Variants in YWHAG observed in about 807,000 individuals in gnomAD.
YWHAG encodes tyrosine 3-monooxygenase/tryptophan 5-monooxygenase activation protein gamma, also known as 14-3-3 protein gamma.
YWHAG carries 1 observed loss-of-function variant against 23.3 expected under a neutral mutation model. The ratio of observed to expected loss-of-function variants is 0.04; its 90% confidence interval spans 0.02 to 0.20. The LOEUF is 0.20. Ranked by LOEUF, YWHAG falls within the 10% of genes least tolerant of loss-of-function variation. The pLI is 1.00. For missense variants in YWHAG, 151 were observed against 338.6 expected (o/e 0.45, Z 4.35); for synonymous variants, 160 against 144.0 (o/e 1.11, Z -0.80).
intron 1 of YWHAG, among the ~76,000 whole-genome samples, chr7:76,336,668 C>G (rs766462392): frequency 6.6e-6 from 1 of 151,594 alleles, no homozygotes; most frequent in African/African-American, 2.4e-5. Context: ...GTTGGCCAGG[C>G]TGGTCTCGAA....
rs138966677 is a variant in YWHAG, at chr7:76,341,453, G to A, written c.88-11220C>T. Among the ~76,000 whole-genome samples, 8 of 141,102 alleles carry A rather than the reference G, an allele frequency of 5.7e-5. No individual in the cohort carries two copies. In the East Asian group the frequency reaches 1.3e-3, roughly 23 times the overall value. 92.6% of individuals were successfully genotyped at this position (141,102 alleles called of 152,430 possible). A position where few individuals can be genotyped will look rare whatever the true frequency, so the allele number is the denominator to read the frequency against. The stretch of plus-strand genomic sequence containing the variant: ...AAAGAGAAATCTTGTAATGTTCACA[G>A]CAACGTTAGTCCTAAGAGCCAAAAG... On this transcript the variant is annotated intron_variant, in intron 1 of 1. Transcript: ENST00000307630.
intron 1 of YWHAG, among the ~76,000 whole-genome samples, chr7:76,350,309 A>C (rs1042779300): frequency 6.6e-6 from 1 of 152,242 alleles, no homozygotes; most frequent in Non-Finnish European, 1.5e-5. Context: ...ACATGTATAC[A>C]TAATACCTAT....
chr7:76,331,306 A>AGGAGG (rs796983851), intron 1 of YWHAG, among the ~76,000 whole-genome samples: 3 of 151,980 alleles, frequency 2.0e-5, no homozygotes, highest in African/African-American at 7.3e-5. Context: ...AGGAGAGGAG[A>AGGAGG]GAAGAAAAGT....
At chr7:76,351,528 A>C (rs930406255) in intron 1 of YWHAG, among the ~76,000 whole-genome samples, 1 of 152,194 alleles carries the variant, frequency 6.6e-6, no homozygotes, top group African/African-American at 2.4e-5. Context: ...CCTGTCACGA[A>C]CCTGGCTGCA....
At chr7:76,353,054 G>A (rs529512996) in intron 1 of YWHAG, among the ~76,000 whole-genome samples, 1 of 152,224 alleles carries the variant, frequency 6.6e-6, no homozygotes, top group Admixed American at 6.5e-5. Flanking sequence ...GAAATGCTGG[G>A]AGCAATTTAA....
chr7:76,346,944 A>T (rs1451711585), intron 1 of YWHAG, among the ~76,000 whole-genome samples: 1 of 152,110 alleles, frequency 6.6e-6, no homozygotes, highest in African/African-American at 2.4e-5. Context: ...GCCACCAACA[A>T]GGACTAAACA....
In YWHAG at chr7:76,357,644, C is replaced by G. The variant is rs1000534167; in HGVS notation, c.87+1078G>C. Among the ~76,000 whole-genome samples the G allele has an allele frequency of 2.0e-5, 3 of 152,182 alleles. No individual in the cohort carries two copies. In the East Asian group the frequency reaches 5.8e-4, roughly 29 times the overall value. ...CTTTTCATCAGCATGAAGATGTACT[C>G]GCTTAAACAAAAAAAAGCCTCAGAT... On this transcript the variant is annotated intron_variant, in intron 1 of 1. Coordinates refer to ENST00000307630, the MANE Select transcript of YWHAG (RefSeq NM_012479.4).
chr7:76,347,872 A>G (rs139318840), intron 1 of YWHAG, among the ~76,000 whole-genome samples: 4 of 152,216 alleles, frequency 2.6e-5, no homozygotes, highest in Admixed American at 2.6e-4. Flanking sequence ...CTAAGACTCC[A>G]AACAGCAAAA....
chr7:76,331,221 T>C (rs994792046), intron 1 of YWHAG, among the ~76,000 whole-genome samples: 6 of 151,922 alleles, frequency 3.9e-5, no homozygotes, highest in African/African-American at 1.5e-4. Flanking sequence ...CAGGCTCAGA[T>C]GATTCTCCCA....
rs762541714 is a variant in YWHAG at position 76,329,756 on chromosome 7, C to T, written c.565G>A (p.Ala189Thr). ...GCCAAGTGGCACGCTTGCTCTGGGG[C>T]GTTCTGGATCTCATAGTAGAAGACG... ...YSVFYYEIQN[A>T]PEQACHLAKT... The change falls in exon 2 of 2, where the codon GCC (alanine) becomes ACC (threonine). Residue 189 changes from alanine to threonine, a missense_variant. By Grantham distance (58) the Ala-to-Thr change is moderately conservative. Coordinates refer to ENST00000307630, the MANE Select transcript of YWHAG (RefSeq NM_012479.4). The surrounding 1 kb of genome is among the most constrained non-coding windows in gnomAD (Gnocchi z 6.1). 5 of 1,613,944 alleles carry T rather than the reference C, an allele frequency of 3.1e-6. No homozygotes were observed. The highest frequency in any genetic ancestry group is 4.2e-6 in the Non-Finnish European group (5 of 1,180,006).
rs1803467631 is a variant in YWHAG at position 76,327,681 on chromosome 7, T to TAA, written c.*1895_*1896insTT. 38 of 30,802 alleles carry TAA rather than the reference T, an allele frequency of 1.2e-3. 3 individuals carry two copies. In the East Asian group the frequency reaches 0.033, roughly 27 times the overall value. The allele number at this position is 30,802 out of a possible 1,614,324, so 1.9% of individuals were successfully genotyped here. ...CCCACCTACCCTGCCCCCCCCCCCC[T>TAA]CCCCCCCCAAATCGTCTTCCTCCCA... On this transcript the variant is annotated 3_prime_UTR_variant, in exon 2 of 2. Transcript: ENST00000307630.
intron 1 of YWHAG, among the ~76,000 whole-genome samples, chr7:76,330,705 T>C (rs990904549): frequency 1.3e-5 from 2 of 152,222 alleles, no homozygotes; most frequent in Admixed American, 1.3e-4. Flanking sequence ...GCCAACACCA[T>C]GTGAATTCTA....
chr7:76,331,819 C>A (rs1803546051), intron 1 of YWHAG, among the ~76,000 whole-genome samples: 1 of 150,188 alleles, frequency 6.7e-6, no homozygotes, highest in East Asian at 2.0e-4. Context: ...GCCTGGCCAA[C>A]ATAACAAGGC....
At chr7:76,337,473 C>A (rs930155120) in intron 1 of YWHAG, among the ~76,000 whole-genome samples, 1 of 151,928 alleles carries the variant, frequency 6.6e-6, no homozygotes, top group Non-Finnish European at 1.5e-5. Flanking sequence ...TGGGAGAGGA[C>A]TCTTGAAAGC....
chr7:76,329,663 T>C lies in YWHAG; in HGVS notation c.658A>G (p.Thr220Ala). The change falls in exon 2 of 2, where the codon ACG becomes GCG. Residue 220 changes from threonine (T) to alanine (A), a missense_variant. By Grantham distance (58) the Thr-to-Ala change is moderately conservative. Coordinates refer to ENST00000307630, the MANE Select transcript of YWHAG (RefSeq NM_012479.4). The surrounding 1 kb of genome is among the most constrained non-coding windows in gnomAD (Gnocchi z 6.1). Reference sequence around the variant, plus strand: ...TCGCGGAGGAGCTGCATGATGAGCGTGGAGTCCTTGTAGGAGTCCTCGTTG... The same window carrying C: ...TCGCGGAGGAGCTGCATGATGAGCGCGGAGTCCTTGTAGGAGTCCTCGTTG... The part of the protein sequence containing the change: ...TLNEDSYKDS[T>A]LIMQLLRDNL... 1 of 1,614,226 alleles carries C rather than the reference T, an allele frequency of 6.2e-7. No homozygotes were observed. The highest frequency in any genetic ancestry group is 8.5e-7 in the Non-Finnish European group (1 of 1,180,036).
Position 76,330,081 on chromosome 7 carries a change from C to T in YWHAG, c.240G>A (p.Glu80=). Reference sequence around the variant, plus strand: ...TCTTCTCCCGGTACGCACGGACCATCTCAATCTTCTTCTCATTGCCGTCTG... The same window carrying T: ...TCTTCTCCCGGTACGCACGGACCATTTCAATCTTCTTCTCATTGCCGTCTG... ...TSADGNEKKI[E]MVRAYREKIE... is the part of the protein sequence containing the mutation. Residue 80 remains glutamate (E), a synonymous_variant, in exon 2 of 2, where the codon GAG becomes GAA. Coordinates refer to ENST00000307630, the MANE Select transcript of YWHAG (RefSeq NM_012479.4). 1 of 1,614,168 alleles carries T rather than the reference C, an allele frequency of 6.2e-7. No homozygotes were observed. Among genetic ancestry groups the T allele is most frequent in the Non-Finnish European group, 8.5e-7 (1 of 1,180,036 alleles).
intron 1 of YWHAG, among the ~76,000 whole-genome samples, chr7:76,331,873 G>A (rs1473459100): frequency 2.6e-5 from 4 of 151,902 alleles, no homozygotes; most frequent in African/African-American, 9.7e-5. Context: ...AATTATAAAC[G>A]GGGGGTATGC....
chr7:76,352,995 A>G (rs1037429256), intron 1 of YWHAG, among the ~76,000 whole-genome samples: 1 of 152,150 alleles, frequency 6.6e-6, no homozygotes, highest in African/African-American at 2.4e-5. Flanking sequence ...AGTAGTATTC[A>G]ACTCAGGTAA....
intron 1 of YWHAG, among the ~76,000 whole-genome samples, chr7:76,341,196 C>T (rs1448307200): frequency 1.3e-5 from 2 of 152,034 alleles, no homozygotes; most frequent in Non-Finnish European, 2.9e-5. Flanking sequence ...AGTTTGAGAC[C>T]AGCCTGGGCA....
Sources: gnomAD v4.1 joint callset for allele counts (sites outside exome capture counted in the v4.1 genomes callset) on GRCh38, gnomAD v4.1.1 for gene constraint, Gnocchi (gnomAD v3.1) non-coding constraint, MANE v1.5 for transcripts, NCBI Gene and HGNC (gene_info 2026-07-23, HGNC 2026-07-21) for gene names.